Variants in PRKCE observed in about 807,000 individuals in gnomAD.
PRKCE encodes the protein protein kinase C epsilon type.
Under a neutral mutation model 85.4 loss-of-function variants are expected in PRKCE, and 16 were observed. The ratio of observed to expected loss-of-function variants is 0.19; its 90% CI spans 0.13 to 0.28. The LOEUF (loss-of-function observed/expected upper bound fraction) is 0.28, where lower values mean the gene tolerates loss of function less well. PRKCE is among the 10% of genes least tolerant of loss of function. PRKCE has a pLI of 1.00. For missense variants in PRKCE, 573 were observed against 975.2 expected, an observed-to-expected ratio of 0.59 and a Z score of 5.49; for synonymous variants, 388 against 371.5, an observed-to-expected ratio of 1.04 and a Z score of -0.51.
At chr2:46,042,655 T>G (rs1708281765) in intron 10 of PRKCE, among the ~76,000 whole-genome samples, 1 of 152,210 alleles carries the variant, frequency 6.6e-6, no homozygotes, top group South Asian at 2.1e-4. Context: ...CTGAGTGGTA[T>G]TCTCTTAAGT....
chr2:46,088,193 GC>G (rs1028906611), intron 11 of PRKCE, among the ~76,000 whole-genome samples: 4 of 152,146 alleles, frequency 2.6e-5, no homozygotes, highest in Non-Finnish European at 4.4e-5. Context: ...GTCACTTTAG[GC>G]TGTGTCTGCT....
chr2:45,990,156 A>C (rs1703672850), intron 6 of PRKCE, among the ~76,000 whole-genome samples: 1 of 152,306 alleles, frequency 6.6e-6, no homozygotes, highest in East Asian at 1.9e-4. Flanking sequence ...GGTTTCAGTC[A>C]AGCTGAGAGC....
chr2:46,180,539 T>TA (rs1679873387), intron 14 of PRKCE, among the ~76,000 whole-genome samples: 1 of 152,186 alleles, frequency 6.6e-6, no homozygotes, highest in Non-Finnish European at 1.5e-5. Flanking sequence ...GAAAGAAAGG[T>TA]AAGACTCAGC....
At chr2:45,666,574 GAT>G (rs1286356874) in intron 1 of PRKCE, among the ~76,000 whole-genome samples, 2 of 151,758 alleles carry the variant, frequency 1.3e-5, no homozygotes, top group African/African-American at 4.8e-5. Flanking sequence ...CCATCCCTGG[GAT>G]ACTCTAACCA....
At chr2:45,749,762 T>C (rs768517282) in intron 1 of PRKCE, among the ~76,000 whole-genome samples, 2 of 152,216 alleles carry the variant, frequency 1.3e-5, no homozygotes, top group Non-Finnish European at 2.9e-5. Context: ...GAATTGAACA[T>C]GAGTCTGCTT....
Position 45,748,193 on chromosome 2 carries a change from G to A in PRKCE, c.349-94807G>A, listed in dbSNP as rs923246924. ...ATGTGAAAGAACTTTAAAAATCCAT[G>A]GATATATGCCAGGCATCATCTCATG... On this transcript the variant is annotated intron_variant, in intron 1 of 14. Transcript: ENST00000306156. Among the ~76,000 whole-genome samples the A allele has an allele frequency of 6.3e-4, 96 of 152,288 alleles. 1 individual carries two copies. The highest frequency in any genetic ancestry group is 2.2e-3 in the African/African-American group (92 of 41,538).
chr2:46,034,861 T>A (rs571931816), intron 10 of PRKCE, among the ~76,000 whole-genome samples: 1 of 152,396 alleles, frequency 6.6e-6, no homozygotes, highest in South Asian at 2.1e-4. Context: ...ACTGATGGTA[T>A]GTTCTGAGGT....
chr2:45,854,186 T>G (rs1324568508), intron 2 of PRKCE, among the ~76,000 whole-genome samples: 8 of 152,206 alleles, frequency 5.3e-5, no homozygotes, highest in Non-Finnish European at 1.0e-4. Context: ...CCCGGTGCAG[T>G]GTGGCTCCCT....
chr2:45,758,622 G>A (rs994309039), intron 1 of PRKCE, among the ~76,000 whole-genome samples: 4 of 152,092 alleles, frequency 2.6e-5, no homozygotes, highest in African/African-American at 9.7e-5. Context: ...AAAATTGCAG[G>A]CCCTTCCTCC....
At chr2:45,838,715 C>T (rs1691101554) in intron 1 of PRKCE, among the ~76,000 whole-genome samples, 2 of 152,140 alleles carry the variant, frequency 1.3e-5, no homozygotes, top group Admixed American at 1.3e-4. Context: ...TGGGCTCAAG[C>T]AATCCTCCTG....
intron 1 of PRKCE, among the ~76,000 whole-genome samples, chr2:45,825,318 G>A (rs1002263652): frequency 1.3e-5 from 2 of 152,174 alleles, no homozygotes; most frequent in African/African-American, 4.8e-5. Context: ...CTGGGACTTG[G>A]GGGGGCCCTG....
intron 11 of PRKCE, among the ~76,000 whole-genome samples, chr2:46,125,851 C>T (rs1052785784): frequency 4.6e-5 from 7 of 152,158 alleles, no homozygotes; most frequent in Non-Finnish European, 8.8e-5. Flanking sequence ...ATGATTACTG[C>T]CAGAGCAGAA....
At chr2:45,835,393 G>A (rs553673855) in intron 1 of PRKCE, among the ~76,000 whole-genome samples, 16 of 152,200 alleles carry the variant, frequency 1.1e-4, no homozygotes, top group East Asian at 3.9e-4. Flanking sequence ...GAAAACTCCC[G>A]TCACCCAGGA....
intron 12 of PRKCE, among the ~76,000 whole-genome samples, chr2:46,150,213 C>T (rs1676481997): frequency 6.6e-6 from 1 of 152,108 alleles, no homozygotes; most frequent in South Asian, 2.1e-4. Context: ...GTGAATTTGA[C>T]TCTACATATT....
chr2:45,808,284 G>C (rs1688398652), intron 1 of PRKCE, among the ~76,000 whole-genome samples: 1 of 152,194 alleles, frequency 6.6e-6, no homozygotes, highest in Non-Finnish European at 1.5e-5. Context: ...TAGACACTCA[G>C]TATATACCTA....
rs113843994 is a variant in PRKCE, at chr2:45,841,704, C to T, written c.349-1296C>T. Among the ~76,000 whole-genome samples the T allele has an allele frequency of 5.5e-3, 834 of 152,308 alleles. 12 individuals are homozygous for T. The highest frequency in any genetic ancestry group is 0.019 in the African/African-American group (791 of 41,546). On this transcript the variant is annotated intron_variant, in intron 1 of 14. Transcript: ENST00000306156. ...ACTCAATATTAACCATCGCAGGAGC[C>T]ATGAGTAAGATGTGTCTGGTGTATT...
intron 2 of PRKCE, among the ~76,000 whole-genome samples, chr2:45,876,384 C>T (rs985196138): frequency 1.6e-4 from 25 of 152,242 alleles, no homozygotes; most frequent in African/African-American, 6.0e-4. Context: ...AGCCACATCA[C>T]TTCCCAATGA....
At chr2:45,733,402 A>G (rs1300135679) in intron 1 of PRKCE, among the ~76,000 whole-genome samples, 1 of 152,232 alleles carries the variant, frequency 6.6e-6, no homozygotes, top group African/African-American at 2.4e-5. Flanking sequence ...CTCTGTCCTC[A>G]TGGAGCTCAC....
At chr2:46,067,048 AG>A (rs1379151490) in intron 10 of PRKCE, among the ~76,000 whole-genome samples, 5 of 152,234 alleles carry the variant, frequency 3.3e-5, no homozygotes, top group Non-Finnish European at 7.3e-5. Flanking sequence ...CATGATAAAA[AG>A]ATAAGGATCA....
Sources: gnomAD v4.1 joint callset for allele counts (sites outside exome capture counted in the v4.1 genomes callset) on GRCh38, gnomAD v4.1.1 for gene constraint, MANE v1.5 for transcripts, NCBI Gene and HGNC (gene_info 2026-07-23, HGNC 2026-07-21) for gene names.